Variants in MEGF10 observed in about 807,000 individuals in gnomAD.
The protein encoded by MEGF10 is multiple EGF like domains 10, also known as multiple epidermal growth factor-like domains protein 10.
A neutral mutation model predicts 147.5 loss-of-function variants in MEGF10; 86 were observed. The ratio of observed to expected loss-of-function variants is 0.58; its 90% CI spans 0.49 to 0.70. The LOEUF is 0.70. MEGF10 is among the 30% of genes least tolerant of loss of function. The pLI is 0.00. For synonymous variants in MEGF10, 478 were observed against 525.5 expected, an observed-to-expected ratio of 0.91 and a Z score of 1.24; for missense variants, 1,329 against 1,487.3, an observed-to-expected ratio of 0.89 and a Z score of 1.75.
At chr5:127,274,401 A>G in the MEGF10 span, among the ~76,000 whole-genome samples, 2,515 of 152,268 alleles carry the variant, frequency 0.017, 59 homozygotes, top group East Asian at 0.086. Context: ...TGATAAAGGT[A>G]TCATGGTTTT....
In MEGF10 at chr5:127,458,334, A is replaced by T. The variant is rs1261959663; in HGVS notation, c.*1016A>T. 1 of 152,204 alleles carries T rather than the reference A, an allele frequency of 6.6e-6. No individual in the cohort carries two copies. 9.4% of individuals were successfully genotyped at this position (152,204 alleles called of 1,614,324 possible). A position where few individuals can be genotyped will look rare whatever the true frequency, so the allele number is the denominator to read the frequency against. On this transcript the variant is annotated 3_prime_UTR_variant, in exon 25 of 25. Transcript: ENST00000503335. ...AGAAGTGACTGAAATATTTTTGTGC[A>T]TATTTGAGAAAGGGAACTTTCCTTT...
chr5:127,298,375 A>G (rs1759607554), intron 1 of MEGF10, among the ~76,000 whole-genome samples: 1 of 152,204 alleles, frequency 6.6e-6, no homozygotes, highest in Non-Finnish European at 1.5e-5. Flanking sequence ...ACCACAGTAT[A>G]AAGTATTTGT....
At chr5:127,300,655 T>G (rs1217329173) in intron 1 of MEGF10, among the ~76,000 whole-genome samples, 1 of 152,196 alleles carries the variant, frequency 6.6e-6, no homozygotes, top group African/African-American at 2.4e-5. Context: ...AAGCCCCATG[T>G]TTAATGTAGA....
chr5:127,326,859 T>A (rs1402736421), intron 1 of MEGF10, among the ~76,000 whole-genome samples: 1 of 152,220 alleles, frequency 6.6e-6, no homozygotes, highest in Non-Finnish European at 1.5e-5. Context: ...TATTTCTATG[T>A]GTGCACTTAA....
intron 1 of MEGF10, among the ~76,000 whole-genome samples, chr5:127,326,843 C>T (rs1350651856): frequency 6.6e-6 from 1 of 151,908 alleles, no homozygotes; most frequent in African/African-American, 2.4e-5. Context: ...TTGAGGGTAC[C>T]GAAGTTATTT....
the MEGF10 span, among the ~76,000 whole-genome samples, chr5:127,252,344 G>T: frequency 1.3e-5 from 2 of 151,736 alleles, no homozygotes; most frequent in Admixed American, 1.3e-4. Flanking sequence ...GTTTGTTCAT[G>T]ATAGTGAAAA....
At chr5:127,276,811 T>C in the MEGF10 span, among the ~76,000 whole-genome samples, 11 of 152,048 alleles carry the variant, frequency 7.2e-5, no homozygotes, top group Non-Finnish European at 1.5e-4. Flanking sequence ...TATAGGATAG[T>C]AGAAGGTGAA....
chr5:127,308,818 C>A (rs895082405), intron 1 of MEGF10, among the ~76,000 whole-genome samples: 11 of 151,566 alleles, frequency 7.3e-5, no homozygotes, highest in Non-Finnish European at 1.5e-4. Flanking sequence ...ACATATGTAA[C>A]TAAACTGCAT....
chr5:127,268,691 A>T, the MEGF10 span, among the ~76,000 whole-genome samples: 1 of 152,210 alleles, frequency 6.6e-6, no homozygotes, highest in East Asian at 1.9e-4. Flanking sequence ...AAGGCAGCAG[A>T]AACCCCTGCA....
chr5:127,363,469 G>T (rs548829645), intron 4 of MEGF10, among the ~76,000 whole-genome samples: 1 of 152,242 alleles, frequency 6.6e-6, no homozygotes, highest in Admixed American at 6.5e-5. Context: ...CTTCACACCG[G>T]GCAGCAGGAA....
chr5:127,323,359 C>A (rs1426451040), intron 1 of MEGF10, among the ~76,000 whole-genome samples: 1 of 152,190 alleles, frequency 6.6e-6, no homozygotes, highest in Non-Finnish European at 1.5e-5. Context: ...GCCAGATAAT[C>A]TGGGATGGTG....
chr5:127,274,539 T>C, the MEGF10 span, among the ~76,000 whole-genome samples: 2 of 152,112 alleles, frequency 1.3e-5, no homozygotes, highest in African/African-American at 4.8e-5. Flanking sequence ...GCCGTAATTG[T>C]GAAATGTAGG....
intron 2 of MEGF10, among the ~76,000 whole-genome samples, chr5:127,332,269 T>C (rs1194183381): frequency 1.3e-5 from 2 of 151,542 alleles, no homozygotes; most frequent in Non-Finnish European, 2.9e-5. Context: ...CCAGAAATTA[T>C]CTTATCCAAA....
intron 5 of MEGF10, among the ~76,000 whole-genome samples, chr5:127,388,608 C>T (rs1055379458): frequency 1.3e-5 from 2 of 151,598 alleles, no homozygotes; most frequent in Admixed American, 1.3e-4. Context: ...TGCAGTGGCG[C>T]GATCTCAGCT....
rs377547826 is a variant in MEGF10, at chr5:127,396,661, G to T, written c.542G>T (p.Arg181Leu). ...AGFRGWRCED[R>L]CEQGTYGNDC... ...TTCCGGGGCTGGCGCTGCGAGGACCGCTGTGAGCAGGGCACCTATGGTAAC... is the reference window on the plus strand; with the variant it reads ...TTCCGGGGCTGGCGCTGCGAGGACCTCTGTGAGCAGGGCACCTATGGTAAC... Residue 181 changes from arginine (R) to leucine (L), a missense_variant, in exon 6 of 25, where the codon CGC (arginine) becomes CTC (leucine). Physicochemically the swap from Arg to Leu is moderately radical, Grantham distance 102. Transcript: ENST00000503335. 12 of 1,613,974 alleles carry T rather than the reference G, an allele frequency of 7.4e-6. No individual in the cohort carries two copies. Among genetic ancestry groups the T allele is most frequent in the African/African-American group, 2.7e-5 (2 of 74,930 alleles).
chr5:127,365,031 A>G (rs1048819225), intron 4 of MEGF10, among the ~76,000 whole-genome samples: 4 of 152,206 alleles, frequency 2.6e-5, no homozygotes, highest in African/African-American at 9.7e-5. Context: ...CTTTAACTCT[A>G]AAACTCTATA....
chr5:127,236,387 A>G, the MEGF10 span, among the ~76,000 whole-genome samples: 7 of 152,248 alleles, frequency 4.6e-5, no homozygotes, highest in East Asian at 1.9e-4. Context: ...TGAAGACAGT[A>G]TGTAAACAAA....
In MEGF10 at chr5:127,435,450, C is replaced by T; in HGVS notation, c.2065C>T (p.Gln689Ter). The T allele has an allele frequency of 6.2e-7, 1 of 1,614,062 alleles. No homozygotes were observed. Among genetic ancestry groups the T allele is most frequent in the Non-Finnish European group, 8.5e-7 (1 of 1,179,984 alleles). ...CTGTAACCCCATTGACAGATCTTGT[C>T]AGTGTTACCCCGGTTGGATTGGCAG... is the stretch of plus-strand genomic sequence containing the variant. ...GTCNPIDRSC[Q>*]CYPGWIGSDC... The change falls in exon 16 of 25, where the codon CAG (glutamine) becomes TAG (stop). Residue 689 changes from glutamine (Q) to a stop codon, truncating the protein, a stop_gained. Coordinates refer to ENST00000503335, the MANE Select transcript of MEGF10 (RefSeq NM_001256545.2). LOFTEE classifies it high-confidence loss of function.
intron 4 of MEGF10, among the ~76,000 whole-genome samples, chr5:127,347,725 G>A (rs970099503): frequency 2.0e-5 from 3 of 151,722 alleles, no homozygotes; most frequent in African/African-American, 4.8e-5. Context: ...TCTCCCTTTT[G>A]GCCTCCAATA....
Sources: allele counts gnomAD v4.1 joint callset (sites outside exome capture counted in the v4.1 genomes callset), GRCh38; gene constraint gnomAD v4.1.1; transcripts MANE v1.5; gene names NCBI Gene and HGNC (gene_info 2026-07-23, HGNC 2026-07-21).